Variants in EFNA5 observed in about 807,000 individuals in gnomAD.
EFNA5 encodes ephrin-A5.
A neutral mutation model predicts 22.9 loss-of-function variants in EFNA5; 5 were observed. The observed-to-expected ratio is 0.22, with a 90% confidence interval of 0.11 to 0.46. The LOEUF is 0.46. Ranked by LOEUF, EFNA5 falls within the 20% of genes least tolerant of loss-of-function variation. The pLI, the probability that EFNA5 is intolerant of heterozygous loss-of-function variation, is 0.99. For missense variants in EFNA5, 237 were observed against 293.3 expected, an observed-to-expected ratio of 0.81 and a Z score of 1.40; for synonymous variants, 113 against 112.2, an observed-to-expected ratio of 1.01 and a Z score of -0.04.
At chr5:107,436,069 T>C (rs1040426616) in intron 1 of EFNA5, among the ~76,000 whole-genome samples, 2 of 152,218 alleles carry the variant, frequency 1.3e-5, no homozygotes, top group Admixed American at 6.5e-5. Flanking sequence ...ATCAGATAGA[T>C]AGATAAAATT....
intron 2 of EFNA5, among the ~76,000 whole-genome samples, chr5:107,412,385 G>C (rs1191767252): frequency 6.6e-6 from 1 of 152,184 alleles, no homozygotes; most frequent in Admixed American, 6.5e-5. Flanking sequence ...AGGTGGGGGA[G>C]AGAGAGAAAA....
intron 1 of EFNA5, among the ~76,000 whole-genome samples, chr5:107,466,811 G>T (rs928226005): frequency 6.6e-6 from 1 of 152,144 alleles, no homozygotes; most frequent in Non-Finnish European, 1.5e-5. Context: ...AGAAGCATTG[G>T]CATTTGACTC....
intron 1 of EFNA5, among the ~76,000 whole-genome samples, chr5:107,658,963 C>G (rs1197825317): frequency 6.6e-6 from 1 of 152,136 alleles, no homozygotes; most frequent in Non-Finnish European, 1.5e-5. Context: ...CAGTGGACAC[C>G]TGACATAAAT....
At chr5:107,612,824 GT>G (rs1749843010) in intron 1 of EFNA5, among the ~76,000 whole-genome samples, 2 of 152,228 alleles carry the variant, frequency 1.3e-5, no homozygotes, top group African/African-American at 4.8e-5. Flanking sequence ...TACATTTTGT[GT>G]TTACCAGACT....
At chr5:107,468,242 T>C (rs1215422662) in intron 1 of EFNA5, among the ~76,000 whole-genome samples, 1 of 152,222 alleles carries the variant, frequency 6.6e-6, no homozygotes, top group Non-Finnish European at 1.5e-5. Flanking sequence ...AAAGAAATTA[T>C]ACTTGTAGCT....
intron 1 of EFNA5, among the ~76,000 whole-genome samples, chr5:107,444,035 G>A (rs1249600115): frequency 1.3e-5 from 2 of 152,088 alleles, no homozygotes; most frequent in African/African-American, 2.4e-5. Context: ...CATTATCTAC[G>A]AGGAACGTGG....
At chr5:107,457,038 C>A (rs1190458125) in intron 1 of EFNA5, among the ~76,000 whole-genome samples, 2 of 152,152 alleles carry the variant, frequency 1.3e-5, no homozygotes, top group South Asian at 2.1e-4. Context: ...TCCTCTTTGC[C>A]CAAGATTAGC....
At chr5:107,591,726 CAGG>C (rs1749328472) in intron 1 of EFNA5, among the ~76,000 whole-genome samples, 1 of 144,226 alleles carries the variant, frequency 6.9e-6, no homozygotes, top group Non-Finnish European at 1.5e-5. Flanking sequence ...GAGGCTGAGG[CAGG>C]AGAATTGCTT....
intron 1 of EFNA5, among the ~76,000 whole-genome samples, chr5:107,646,015 C>A (rs1262149661): frequency 6.6e-6 from 1 of 152,162 alleles, no homozygotes; most frequent in Non-Finnish European, 1.5e-5. Context: ...GAAGAATAAT[C>A]ATAGGTTAGC....
chr5:107,609,990 G>C (rs26727), intron 1 of EFNA5, among the ~76,000 whole-genome samples: 83,936 of 152,018 alleles, frequency 0.55, 23,197 homozygotes, highest in South Asian at 0.62. Context: ...AGACAGATAG[G>C]AATGTTCAAT....
At chr5:107,410,022 CTTTTTT>C (rs70996956) in intron 2 of EFNA5, among the ~76,000 whole-genome samples, 6 of 88,000 alleles carry the variant, frequency 6.8e-5, no homozygotes, top group Non-Finnish European at 1.1e-4. Context: ...TGACATGATT[CTTTTTT>C]TTTTTTTTTT....
chr5:107,408,169 G>GCACA (rs111307720), intron 2 of EFNA5, among the ~76,000 whole-genome samples: 199 of 149,096 alleles, frequency 1.3e-3, no homozygotes, highest in Middle Eastern at 3.4e-3. Context: ...GCAAAACAAC[G>GCACA]CACACACACA....
intron 1 of EFNA5, among the ~76,000 whole-genome samples, chr5:107,481,556 G>T (rs917146367): frequency 2.6e-5 from 4 of 152,154 alleles, no homozygotes; most frequent in Non-Finnish European, 4.4e-5. Flanking sequence ...TGCAGGAAAA[G>T]AAACTGAAAA....
intron 1 of EFNA5, among the ~76,000 whole-genome samples, chr5:107,669,160 G>C (rs1268046464): frequency 2.0e-5 from 3 of 152,008 alleles, no homozygotes; most frequent in Non-Finnish European, 4.4e-5. Flanking sequence ...CCTGCATGCT[G>C]AGGGGAGGCT....
Position 107,647,091 on chromosome 5 carries a change from C to A in EFNA5, c.125+23398G>T, listed in dbSNP as rs530933992. Among the ~76,000 whole-genome samples the A allele has an allele frequency of 3.8e-4, 57 of 151,920 alleles. 1 individual carries two copies. The highest frequency in any genetic ancestry group is 1.3e-3 in the African/African-American group (55 of 41,430). On this transcript the variant is annotated intron_variant, in intron 1 of 4. Transcript: ENST00000333274. ...CATCTCTGTGATGTTATCACCCTGA[C>A]AATATAAAACACAAGAAAATGAAAT... is the stretch of plus-strand genomic sequence containing the variant.
At chr5:107,622,969 C>T (rs1211117952) in intron 1 of EFNA5, among the ~76,000 whole-genome samples, 2 of 132,288 alleles carry the variant, frequency 1.5e-5, no homozygotes, top group East Asian at 2.3e-4. Context: ...TGCAGTGAGC[C>T]GAGATTGCGC....
chr5:107,385,478 T>C (rs2112485936), intron 4 of EFNA5, among the ~76,000 whole-genome samples: 1 of 152,308 alleles, frequency 6.6e-6, no homozygotes, highest in African/African-American at 2.4e-5. Context: ...GTTTAGAACA[T>C]GCTGGTCATT....
intron 1 of EFNA5, among the ~76,000 whole-genome samples, chr5:107,529,104 G>T (rs1025363350): frequency 2.0e-5 from 3 of 152,070 alleles, no homozygotes; most frequent in Non-Finnish European, 4.4e-5. Context: ...CATTTCACAG[G>T]TTGTTTTTCT....
chr5:107,399,254 A>C (rs1561369462), intron 2 of EFNA5, among the ~76,000 whole-genome samples: 1 of 151,784 alleles, frequency 6.6e-6, no homozygotes, highest in Non-Finnish European at 1.5e-5. Context: ...GAAGTTTGAG[A>C]CCAGCCTGGC....
Sources: gnomAD v4.1 joint callset for allele counts (sites outside exome capture counted in the v4.1 genomes callset) on GRCh38, gnomAD v4.1.1 for gene constraint, MANE v1.5 for transcripts, NCBI Gene and HGNC (gene_info 2026-07-23, HGNC 2026-07-21) for gene names.